The following DOCK4 variants were observed in gnomAD, a reference collection of about 807,000 sequenced individuals.
DOCK4 encodes dedicator of cytokinesis 4.
A neutral mutation model predicts 268.1 loss-of-function variants in DOCK4; 97 were observed. That is an observed-to-expected ratio of 0.36 (90% CI 0.31 to 0.43). The LOEUF is 0.43. DOCK4 is among the 20% of genes least tolerant of loss of function. The probability of loss-of-function intolerance (pLI) is 1.00; values close to 1 mark genes in which losing one functional copy is unlikely to be tolerated. For missense variants in DOCK4, 2,145 were observed against 2,455.7 expected, an observed-to-expected ratio of 0.87 and a Z score of 2.67; for synonymous variants, 954 against 887.2, an observed-to-expected ratio of 1.08 and a Z score of -1.34.
chr7:111,862,516 A>AGTCTTGC (rs1184455820), intron 23 of DOCK4, among the ~76,000 whole-genome samples: 2 of 106,842 alleles, frequency 1.9e-5, no homozygotes, highest in African/African-American at 7.4e-5. Context: ...TTTGAGACAG[A>AGTCTTGC]GTCTTGCTCT....
intron 1 of DOCK4, among the ~76,000 whole-genome samples, chr7:112,084,625 G>A (rs936767579): frequency 2.6e-5 from 4 of 152,106 alleles, no homozygotes; most frequent in Non-Finnish European, 5.9e-5. Context: ...CTGAGAAAAT[G>A]TTTCAGTTCC....
intron 1 of DOCK4, among the ~76,000 whole-genome samples, chr7:112,076,635 T>C (rs1443095457): frequency 6.6e-6 from 1 of 152,266 alleles, no homozygotes; most frequent in African/African-American, 2.4e-5. Context: ...TGTTGGGAAG[T>C]TTGATTATCA....
At chr7:112,166,678 G>C (rs1193054032) in intron 1 of DOCK4, among the ~76,000 whole-genome samples, 1 of 151,990 alleles carries the variant, frequency 6.6e-6, no homozygotes, top group Admixed American at 6.6e-5. Context: ...TTTTAAAAAG[G>C]GCCTGACCTC....
intron 8 of DOCK4, among the ~76,000 whole-genome samples, chr7:111,972,808 T>C (rs1224527965): frequency 6.6e-6 from 1 of 152,066 alleles, no homozygotes; most frequent in Admixed American, 6.6e-5. Flanking sequence ...TAGTTCTCTG[T>C]CCTTCTATCT....
At chr7:111,874,574 T>G (rs999554549) in intron 17 of DOCK4, among the ~76,000 whole-genome samples, 1 of 152,232 alleles carries the variant, frequency 6.6e-6, no homozygotes, top group Non-Finnish European at 1.5e-5. Flanking sequence ...AAAATTGCTG[T>G]ATCCTAGCTT....
chr7:112,088,881 A>C (rs147663744), intron 1 of DOCK4, among the ~76,000 whole-genome samples: 5 of 152,274 alleles, frequency 3.3e-5, no homozygotes, highest in Non-Finnish European at 5.9e-5. Flanking sequence ...AGTGTGACTG[A>C]AAGGATTAAT....
intron 12 of DOCK4, among the ~76,000 whole-genome samples, chr7:111,933,417 C>A (rs1794434076): frequency 6.6e-6 from 1 of 150,576 alleles, no homozygotes; most frequent in Non-Finnish European, 1.5e-5. Flanking sequence ...GCCTCAGACT[C>A]CGGAGTAGCT....
Position 112,188,612 on chromosome 7 carries a change from A to G in DOCK4, c.37+17490T>C, listed in dbSNP as rs117138135. On this transcript the variant is annotated intron_variant, in intron 1 of 52. Coordinates refer to ENST00000428084, the MANE Select transcript of DOCK4 (RefSeq NM_001363540.2). Reference sequence around the variant, plus strand: ...CTGGAACACGCAATAATTCCATGACAATTCATACCCCCCAACCCAGAAGAT... The same window carrying G: ...CTGGAACACGCAATAATTCCATGACGATTCATACCCCCCAACCCAGAAGAT... Among the ~76,000 whole-genome samples, 91 of 152,336 alleles carry G rather than the reference A, an allele frequency of 6.0e-4. 2 individuals carry two copies. The East Asian group carries it at 0.014, about 24-fold the overall frequency.
At chr7:111,833,740 G>C (rs1803027902) in intron 26 of DOCK4, among the ~76,000 whole-genome samples, 1 of 152,046 alleles carries the variant, frequency 6.6e-6, no homozygotes, top group Admixed American at 6.6e-5. Flanking sequence ...AAAGATAAGT[G>C]ACCCCTATGT....
rs998727577 is a variant in DOCK4 at position 111,934,462 on chromosome 7, G to A, written c.1066+1078C>T. Among the ~76,000 whole-genome samples the A allele has an allele frequency of 2.9e-4, 43 of 147,644 alleles. No homozygotes were observed. In the Admixed American group the frequency reaches 2.9e-3, roughly 10 times the overall value. On this transcript the variant is annotated intron_variant, in intron 12 of 52. Coordinates refer to ENST00000428084, the MANE Select transcript of DOCK4 (RefSeq NM_001363540.2). ...CTTCAATGTGTGAACCTGTATGTTT[G>A]TCAATAATGTTGCTGCTCAAAGCCA...
intron 1 of DOCK4, among the ~76,000 whole-genome samples, chr7:112,115,406 A>C (rs1445644663): frequency 1.3e-5 from 2 of 151,984 alleles, no homozygotes; most frequent in Non-Finnish European, 2.9e-5. Context: ...GAACAGGTGC[A>C]CTCCTGCTTT....
intron 1 of DOCK4, among the ~76,000 whole-genome samples, chr7:112,082,599 G>A (rs1323528715): frequency 1.3e-5 from 2 of 152,128 alleles, no homozygotes; most frequent in Non-Finnish European, 2.9e-5. Context: ...AGCCTACAGA[G>A]AATGTATTGT....
intron 1 of DOCK4, among the ~76,000 whole-genome samples, chr7:112,170,118 AAAGAG>A (rs1235879578): frequency 6.6e-6 from 1 of 152,180 alleles, no homozygotes; most frequent in Non-Finnish European, 1.5e-5. Flanking sequence ...TCTTATGACA[AAAGAG>A]AAGAGAGAAA....
chr7:112,045,235 C>T (rs1401439323), intron 1 of DOCK4, among the ~76,000 whole-genome samples: 2 of 152,150 alleles, frequency 1.3e-5, no homozygotes, highest in African/African-American at 2.4e-5. Context: ...AACACTTTCC[C>T]CCAGATATTT....
At chr7:111,877,834 C>T (rs1300795087) in intron 16 of DOCK4, among the ~76,000 whole-genome samples, 1 of 152,128 alleles carries the variant, frequency 6.6e-6, no homozygotes, top group Non-Finnish European at 1.5e-5. Context: ...GTGCTAAAAC[C>T]AGCAGAATTG....
At chr7:112,158,215 T>C (rs1024501684) in intron 1 of DOCK4, among the ~76,000 whole-genome samples, 19 of 152,086 alleles carry the variant, frequency 1.2e-4, no homozygotes, top group African/African-American at 4.3e-4. Flanking sequence ...AATAATACAT[T>C]TAGGAACCAT....
At chr7:111,991,584 G>A (rs1409848636) in intron 5 of DOCK4, among the ~76,000 whole-genome samples, 2 of 152,134 alleles carry the variant, frequency 1.3e-5, no homozygotes, top group Non-Finnish European at 2.9e-5. Context: ...AACAGTACAG[G>A]TTTTGGCAGC....
intron 1 of DOCK4, among the ~76,000 whole-genome samples, chr7:112,006,752 T>C (rs1005058754): frequency 2.0e-5 from 3 of 152,214 alleles, no homozygotes; most frequent in Admixed American, 6.5e-5. Context: ...CAAACCAGCC[T>C]TGTCTGTGTA....
At chr7:112,179,530 T>G (rs775873258) in intron 1 of DOCK4, among the ~76,000 whole-genome samples, 91 of 152,036 alleles carry the variant, frequency 6.0e-4, no homozygotes, top group Non-Finnish European at 1.0e-3. Flanking sequence ...TTTTTTGTTT[T>G]TTTTTTTTAA....
Sources: gnomAD v4.1 joint callset for allele counts (sites outside exome capture counted in the v4.1 genomes callset) on GRCh38, gnomAD v4.1.1 for gene constraint, MANE v1.5 for transcripts, NCBI Gene and HGNC (gene_info 2026-07-23, HGNC 2026-07-21) for gene names.